The following PPFIA1 variants were observed in gnomAD, a reference collection of about 807,000 sequenced individuals.
PPFIA1 encodes liprin-alpha-1.
Under a neutral mutation model 149.9 loss-of-function variants are expected in PPFIA1, and 25 were observed. The ratio of observed to expected loss-of-function variants is 0.17; its 90% confidence interval spans 0.12 to 0.23. PPFIA1 has a LOEUF of 0.23. Ranked by LOEUF, PPFIA1 falls within the 10% of genes least tolerant of loss-of-function variation. The probability of loss-of-function intolerance (pLI) is 1.00; values close to 1 mark genes in which losing one functional copy is unlikely to be tolerated. For missense variants in PPFIA1, 1,362 were observed against 1,506.5 expected (o/e 0.90, Z 1.59); for synonymous variants, 549 against 552.8 (o/e 0.99, Z 0.10).
chr11:70,359,159 T>A (rs2056509757), intron 19 of PPFIA1, among the ~76,000 whole-genome samples: 1 of 152,148 alleles, frequency 6.6e-6, no homozygotes, highest in African/African-American at 2.4e-5. Flanking sequence ...CAGTGGCGCG[T>A]TCACCACTCA....
At chr11:70,320,986 A>T (rs1046985849) in intron 2 of PPFIA1, among the ~76,000 whole-genome samples, 2 of 152,204 alleles carry the variant, frequency 1.3e-5, no homozygotes, top group Non-Finnish European at 2.9e-5. Context: ...GGAGGGCAAC[A>T]ACCACAGAAC....
At chr11:70,293,161 G>A (rs1435720565) in intron 2 of PPFIA1, among the ~76,000 whole-genome samples, 2 of 152,202 alleles carry the variant, frequency 1.3e-5, no homozygotes, top group Non-Finnish European at 1.5e-5. Flanking sequence ...TCCTAAACGG[G>A]ATCTTTTAAC....
chr11:70,340,924 G>A (rs2055291634), intron 14 of PPFIA1: 4 of 335,564 alleles, frequency 1.2e-5, no homozygotes, highest in South Asian at 6.3e-5. Context: ...ACTGGCCACC[G>A]GGGCTGCTCT....
In PPFIA1 at chr11:70,335,701, T is replaced by C; in HGVS notation, c.1428+7T>C. The C allele has an allele frequency of 6.2e-7, 1 of 1,613,612 alleles. No homozygotes were observed. The highest frequency in any genetic ancestry group is 8.5e-7 in the Non-Finnish European group (1 of 1,179,744). ...GGCTGCTTTGGAAGATAAGGTAAGTTAGATAACACGGACATGCTGGAGCTT... is the reference window on the plus strand; with the variant it reads ...GGCTGCTTTGGAAGATAAGGTAAGTCAGATAACACGGACATGCTGGAGCTT... On this transcript the variant is annotated splice_region_variant and intron_variant, in intron 11 of 27. Coordinates refer to ENST00000253925, the MANE Select transcript of PPFIA1 (RefSeq NM_003626.5).
intron 26 of PPFIA1, among the ~76,000 whole-genome samples, chr11:70,381,701 C>T (rs1320809379): frequency 2.0e-5 from 3 of 152,196 alleles, no homozygotes; most frequent in Admixed American, 1.3e-4. Flanking sequence ...TCCTTCATAC[C>T]AGTGTTAGAG....
intron 2 of PPFIA1, among the ~76,000 whole-genome samples, chr11:70,305,563 T>C (rs1193718173): frequency 6.6e-6 from 1 of 151,742 alleles, no homozygotes; most frequent in Non-Finnish European, 1.5e-5. Context: ...TAGAGATGGG[T>C]TTTCACCCTG....
chr11:70,301,375 C>G (rs912472190), intron 2 of PPFIA1, among the ~76,000 whole-genome samples: 2 of 152,158 alleles, frequency 1.3e-5, no homozygotes, highest in Non-Finnish European at 2.9e-5. Context: ...ATGGTATCTT[C>G]CCCTGAAGAT....
At chr11:70,273,039 A>T (rs1209838924) in intron 2 of PPFIA1, among the ~76,000 whole-genome samples, 1 of 152,204 alleles carries the variant, frequency 6.6e-6, no homozygotes, top group Non-Finnish European at 1.5e-5. Flanking sequence ...GCACTCTGGG[A>T]GGCTGAGGCA....
rs999495753 is a variant in PPFIA1, at chr11:70,272,330, C to A, written c.158C>A (p.Thr53Lys). Residue 53 changes from threonine (T) to lysine (K), a missense_variant, in exon 2 of 28, where the codon ACA becomes AAA. By Grantham distance (78) the Thr-to-Lys change is moderately conservative. This residue lies in a region of PPFIA1 where 100 missense variants were observed against 106.2 expected (regional missense o/e 0.94). Transcript: ENST00000253925. The part of the protein sequence containing the change: ...MLEERDRLLD[T>K]LRETQETLAL... ...GAAGAAAGGGACCGCCTTCTTGATA[C>A]ACTGAGAGAGACTCAAGAAACGCTG... is the stretch of plus-strand genomic sequence containing the variant. 36 of 1,614,070 alleles carry A rather than the reference C, an allele frequency of 2.2e-5. No individual in the cohort carries two copies. Among genetic ancestry groups the A allele is most frequent in the African/African-American group, 1.5e-4 (11 of 74,920 alleles).
At position 70,384,092 on chromosome 11, in the gene PPFIA1, T is replaced by C. The variant is rs1183352334; in HGVS notation, c.*1102T>C. 6.6e-6 allele frequency: 1 copy of C among 152,274 alleles called. No individual in the cohort carries two copies. Among genetic ancestry groups the C allele is most frequent in the African/African-American group, 2.4e-5 (1 of 41,476 alleles). The allele number at this position is 152,274 out of a possible 1,614,324, so 9.4% of individuals were successfully genotyped here. A position where few individuals can be genotyped will look rare whatever the true frequency, so the allele number is the denominator to read the frequency against. On this transcript the variant is annotated 3_prime_UTR_variant, in exon 28 of 28. Coordinates refer to ENST00000253925, the MANE Select transcript of PPFIA1 (RefSeq NM_003626.5). Reference sequence around the variant, plus strand: ...TTGATGCTCTAGCCATTTTGGATTGTGTAAGTTGCAGATGTGGCTTTTACT... The same window carrying C: ...TTGATGCTCTAGCCATTTTGGATTGCGTAAGTTGCAGATGTGGCTTTTACT...
chr11:70,349,783 T>C (rs572188648), intron 16 of PPFIA1: 1 of 376,816 alleles, frequency 2.7e-6, no homozygotes, highest in South Asian at 2.0e-5. Context: ...TGTGCTTATT[T>C]CTGTCCAGAG....
chr11:70,369,770 A>G (rs1351773339), intron 21 of PPFIA1, among the ~76,000 whole-genome samples: 3 of 151,980 alleles, frequency 2.0e-5, no homozygotes, highest in African/African-American at 4.8e-5. Flanking sequence ...TTCAATGTCT[A>G]TTGAATCTAT....
At chr11:70,305,478 C>G (rs931893427) in intron 2 of PPFIA1, among the ~76,000 whole-genome samples, 2 of 152,030 alleles carry the variant, frequency 1.3e-5, no homozygotes, top group Non-Finnish European at 2.9e-5. Context: ...CTTAAGCGAT[C>G]CTCTCACCAC....
intron 2 of PPFIA1, among the ~76,000 whole-genome samples, chr11:70,289,422 T>C (rs1389230768): frequency 6.6e-6 from 1 of 152,208 alleles, no homozygotes; most frequent in Non-Finnish European, 1.5e-5. Flanking sequence ...TGATTTCTAA[T>C]AATATTAACA....
At chr11:70,326,896 T>C in intron 7 of PPFIA1, 78 bp downstream of exon 7, 1 of 1,196,254 alleles carries the variant, frequency 8.4e-7, no homozygotes, top group South Asian at 1.3e-5. Flanking sequence ...TTTTTTTCTC[T>C]GTTTGTCTCT....
intron 2 of PPFIA1, among the ~76,000 whole-genome samples, chr11:70,295,285 A>AC (rs760270943): frequency 0.012 from 1,079 of 91,260 alleles, 105 homozygotes; most frequent in African/African-American, 0.03. Context: ...CGAGGGGCTG[A>AC]CCCCCCCACC....
rs1343173383 is a variant in PPFIA1 at position 70,382,156 on chromosome 11, T to C, written c.*10T>C. 9 of 1,612,720 alleles carry C rather than the reference T, an allele frequency of 5.6e-6. No homozygotes were observed. The East Asian group carries it at 2.0e-4, about 36-fold the overall frequency. ...GACTTACTCCTGCTAAAGTCTCCTG[T>C]TGGTGAGTAGAGAGCACCACAACCC... is the stretch of plus-strand genomic sequence containing the variant. On this transcript the variant is annotated splice_region_variant and 3_prime_UTR_variant, in exon 27 of 28. Coordinates refer to ENST00000253925, the MANE Select transcript of PPFIA1 (RefSeq NM_003626.5).
chr11:70,350,910 G>T (rs1420605120), intron 16 of PPFIA1: 2 of 749,404 alleles, frequency 2.7e-6, no homozygotes, highest in African/African-American at 1.9e-5. Context: ...TAATATATTT[G>T]CTTATACTGA....
At chr11:70,322,219 G>T (rs1400800688) in intron 2 of PPFIA1, among the ~76,000 whole-genome samples, 1 of 152,194 alleles carries the variant, frequency 6.6e-6, no homozygotes, top group Non-Finnish European at 1.5e-5. Flanking sequence ...GAGTCTGTTT[G>T]CTTTTTGCCT....
Sources: gnomAD v4.1 joint callset for allele counts (sites outside exome capture counted in the v4.1 genomes callset) on GRCh38, gnomAD v4.1.1 for gene constraint, gnomAD v4.1.1 regional missense constraint, MANE v1.5 for transcripts, NCBI Gene and HGNC (gene_info 2026-07-23, HGNC 2026-07-21) for gene names.